The following LRRN3 variants were observed in gnomAD, a reference collection of about 807,000 sequenced individuals.
LRRN3 encodes the protein leucine-rich repeat neuronal protein 3.
A neutral mutation model predicts 40.1 loss-of-function variants in LRRN3; 15 were observed. The observed-to-expected ratio is 0.37, with a 90% confidence interval of 0.25 to 0.58. LRRN3 has a LOEUF of 0.58. Ranked by LOEUF, LRRN3 falls within the 20% of genes least tolerant of loss-of-function variation. The pLI, the probability that LRRN3 is intolerant of heterozygous loss-of-function variation, is 0.72. For missense variants in LRRN3, 746 were observed against 837.7 expected, an observed-to-expected ratio of 0.89 and a Z score of 1.35; for synonymous variants, 308 against 297.2, an observed-to-expected ratio of 1.04 and a Z score of -0.37.
chr7:111,115,363 A>G (rs1340982925), intron 2 of LRRN3, among the ~76,000 whole-genome samples: 1 of 152,208 alleles, frequency 6.6e-6, no homozygotes, highest in East Asian at 1.9e-4. Flanking sequence ...AATGCTATTA[A>G]TGAAGTGCTC....
At chr7:111,114,519 T>A (rs113308855) in intron 2 of LRRN3, among the ~76,000 whole-genome samples, 47 of 152,156 alleles carry the variant, frequency 3.1e-4, no homozygotes, top group African/African-American at 1.1e-3. Flanking sequence ...GGGCAGATCA[T>A]TAGGTCAGGA....
At chr7:111,118,149 A>G (rs1008868428) in intron 2 of LRRN3, among the ~76,000 whole-genome samples, 4 of 152,098 alleles carry the variant, frequency 2.6e-5, no homozygotes, top group African/African-American at 9.6e-5. Context: ...TCTACTGTGC[A>G]TCATTGTCCT....
intron 2 of LRRN3, among the ~76,000 whole-genome samples, chr7:111,119,287 G>A (rs940865161): frequency 9.9e-5 from 15 of 152,102 alleles, no homozygotes; most frequent in South Asian, 4.1e-4. Flanking sequence ...CATTTTATTC[G>A]GAGGGGTATA....
chr7:111,093,653 A>C (rs896342455), intron 1 of LRRN3, among the ~76,000 whole-genome samples: 2 of 152,266 alleles, frequency 1.3e-5, no homozygotes, highest in African/African-American at 4.8e-5. Context: ...GATTACAGAG[A>C]TCAGTAATGT....
intron 2 of LRRN3, among the ~76,000 whole-genome samples, chr7:111,114,745 A>T (rs1208507815): frequency 6.6e-6 from 1 of 151,828 alleles, no homozygotes; most frequent in East Asian, 1.9e-4. Context: ...TCTCAAAAAA[A>T]AAAAAAAAGA....
chr7:111,123,799 A>G lies in LRRN3; in HGVS notation c.1027A>G (p.Ser343Gly). ...LPKLESLMLN[S>G]NALSALYHGT... ...CAAGCTGGAATCACTCATGCTGAAC[A>G]GCAATGCTCTCAGTGCCCTGTACCA... Residue 343 changes from serine (S) to glycine (G), a missense_variant, in exon 3 of 3, where the codon AGC becomes GGC. Transcript: ENST00000308478. This position sits in a 1 kb window ranked among gnomAD's most constrained non-coding sequence, Gnocchi z 6.4. The G allele has an allele frequency of 6.2e-7, 1 of 1,614,052 alleles. No homozygotes were observed. The highest frequency in any genetic ancestry group is 1.7e-5 in the Admixed American group (1 of 59,968).
At chr7:111,092,377 G>A (rs1348160789) in intron 1 of LRRN3, among the ~76,000 whole-genome samples, 1 of 152,168 alleles carries the variant, frequency 6.6e-6, no homozygotes, top group African/African-American at 2.4e-5. Context: ...TGCTGTTGTT[G>A]AGCTGGATGG....
intron 2 of LRRN3, among the ~76,000 whole-genome samples, chr7:111,116,799 G>A (rs1420604594): frequency 6.6e-6 from 1 of 152,134 alleles, no homozygotes; most frequent in Non-Finnish European, 1.5e-5. Flanking sequence ...AAAAAAGGCA[G>A]TGCACCTATA....
intron 2 of LRRN3, among the ~76,000 whole-genome samples, chr7:111,104,466 T>G (rs1417198622): frequency 6.6e-6 from 1 of 151,864 alleles, no homozygotes; most frequent in Non-Finnish European, 1.5e-5. Context: ...ATGATGTCAC[T>G]TTAGTAACTA....
chr7:111,099,745 T>A (rs1315656474), intron 1 of LRRN3, 136 bp from the exon 2 acceptor site: 3 of 151,588 alleles, frequency 2.0e-5, no homozygotes, highest in Non-Finnish European at 3.0e-5. Flanking sequence ...AAAAAGAAAT[T>A]CAATTTTGAG....
chr7:111,111,658 T>TC (rs983456033), intron 2 of LRRN3, among the ~76,000 whole-genome samples: 13 of 151,266 alleles, frequency 8.6e-5, no homozygotes, highest in Non-Finnish European at 1.3e-4. Flanking sequence ...TCAACTAATG[T>TC]CCCCCCCTGC....
rs892781692 is a variant in LRRN3, at chr7:111,122,527, A to T, written c.-246A>T. 2.1e-5 allele frequency: 10 copies of T among 465,516 alleles called. No homozygotes were observed. The highest frequency in any genetic ancestry group is 3.8e-5 in the Non-Finnish European group (10 of 263,056). 28.8% of individuals were successfully genotyped at this position (465,516 alleles called of 1,614,324 possible). A position where few individuals can be genotyped will look rare whatever the true frequency, so the allele number is the denominator to read the frequency against. On this transcript the variant is annotated 5_prime_UTR_variant, in exon 3 of 3. Coordinates refer to ENST00000308478, the MANE Select transcript of LRRN3 (RefSeq NM_001099658.2). ...ACCATCTATACATACTCCACCTTCAAAAAGTACATCAATATTATATCATTA... is the reference window on the plus strand; with the variant it reads ...ACCATCTATACATACTCCACCTTCATAAAGTACATCAATATTATATCATTA...
intron 1 of LRRN3, among the ~76,000 whole-genome samples, chr7:111,092,475 G>C (rs983053702): frequency 1.3e-5 from 2 of 152,128 alleles, no homozygotes; most frequent in Non-Finnish European, 1.5e-5. Context: ...ATGAATATGA[G>C]TAGAACCGTC....
intron 2 of LRRN3, among the ~76,000 whole-genome samples, chr7:111,100,215 T>C (rs1437269887): frequency 6.6e-6 from 1 of 151,518 alleles, no homozygotes; most frequent in African/African-American, 2.4e-5. Context: ...TTCTGAGATT[T>C]TGGTGCACCC....
At chr7:111,109,937 C>T (rs1213933800) in intron 2 of LRRN3, among the ~76,000 whole-genome samples, 3 of 152,058 alleles carry the variant, frequency 2.0e-5, no homozygotes, top group Admixed American at 1.3e-4. Flanking sequence ...AGTTCAAGAC[C>T]GGCCTGATCA....
intron 2 of LRRN3, among the ~76,000 whole-genome samples, chr7:111,101,320 T>G (rs1797952082): frequency 6.6e-6 from 1 of 151,518 alleles, no homozygotes; most frequent in African/African-American, 2.4e-5. Context: ...GGCATACTGA[T>G]AAGCGATAAT....
intron 2 of LRRN3, among the ~76,000 whole-genome samples, chr7:111,114,367 A>G (rs1799596501): frequency 6.6e-6 from 1 of 152,156 alleles, no homozygotes; most frequent in Non-Finnish European, 1.5e-5. Flanking sequence ...AATAAGCATG[A>G]AAAACTAAAA....
rs1429771324 is a variant in LRRN3, at chr7:111,124,391, C to A, written c.1619C>A (p.Ser540Tyr). The A allele has an allele frequency of 6.2e-7, 1 of 1,613,608 alleles. No individual in the cohort carries two copies. Among genetic ancestry groups the A allele is most frequent in the African/African-American group, 1.3e-5 (1 of 74,914 alleles). ...ATTCAGGCCAATTCAGTTTTGGTGT[C>A]CTGGAAAGCAAGTTCTAAAATTCTC... ...RDIQANSVLV[S>Y]WKASSKILKS... The change falls in exon 3 of 3, where the codon TCC becomes TAC. Residue 540 changes from serine to tyrosine, a missense_variant. Coordinates refer to ENST00000308478, the MANE Select transcript of LRRN3 (RefSeq NM_001099658.2).
Position 111,105,618 on chromosome 7 carries a change from A to G in LRRN3, c.-359+5656A>G, listed in dbSNP as rs1484811232. ...GAGTACTTTCTAAGAAACAAATACA[A>G]CATGTATTTTTGTTGTTCCTCCTAT... On this transcript the variant is annotated intron_variant, in intron 2 of 2. Transcript: ENST00000308478. 2.6e-5 allele frequency among the ~76,000 whole-genome samples: 4 copies of G among 151,942 alleles called. No homozygotes were observed. The East Asian group carries it at 7.7e-4, about 29-fold the overall frequency.
Sources: allele counts gnomAD v4.1 joint callset (sites outside exome capture counted in the v4.1 genomes callset), GRCh38; gene constraint gnomAD v4.1.1; non-coding constraint Gnocchi (gnomAD v3.1); transcripts MANE v1.5; gene names NCBI Gene and HGNC (gene_info 2026-07-23, HGNC 2026-07-21).